The following PHKA2 variants were observed in gnomAD, a reference collection of about 807,000 sequenced individuals.
PHKA2 encodes the protein phosphorylase b kinase regulatory subunit alpha, liver isoform.
PHKA2 carries 31 observed loss-of-function variants against 102.0 expected under a neutral mutation model. That is an observed-to-expected ratio of 0.30 (90% CI 0.23 to 0.41). The LOEUF (loss-of-function observed/expected upper bound fraction) is 0.41. PHKA2 is among the 10% of genes least tolerant of loss of function. The pLI is 1.00. For synonymous variants in PHKA2, 455 were observed against 416.2 expected (o/e 1.09, Z -1.13); for missense variants, 858 against 1,023.1 (o/e 0.84, Z 2.20).
intron 1 of PHKA2, among the ~76,000 whole-genome samples, chrX:18,973,995 C>T (rs1434685004): frequency 1.8e-5 from 2 of 111,392 alleles, no homozygotes; most frequent in Non-Finnish European, 3.8e-5. Context: ...CTTCATATTT[C>T]GCTGAGAAGG....
Position 18,954,494 on chromosome X carries a change from G to A in PHKA2, c.79-82C>T. 6 of 983,317 alleles carry A rather than the reference G, an allele frequency of 6.1e-6. 1 individual carries two copies. The South Asian group carries it at 1.2e-4, about 19-fold the overall frequency. 81.0% of individuals were successfully genotyped at this position (983,317 alleles called of 1,213,427 possible). On this transcript the variant is annotated intron_variant, in intron 1 of 32. Transcript: ENST00000379942. ...AACAGATGCTTGTCCTAACAGGGTA[G>A]ATGAGGACCGGGACCTGGAGCAGGG...
intron 13 of PHKA2, among the ~76,000 whole-genome samples, chrX:18,927,275 G>A (rs2048226591): frequency 8.9e-6 from 1 of 112,356 alleles, no homozygotes; most frequent in South Asian, 3.7e-4. Context: ...TGGGACCTGG[G>A]GGCCCATGGA....
At chrX:18,901,979 A>G (rs2047691180) in intron 26 of PHKA2, among the ~76,000 whole-genome samples, 1 of 109,329 alleles carries the variant, frequency 9.1e-6, no homozygotes, top group Non-Finnish European at 1.9e-5. Context: ...AGTAACTGGG[A>G]TTACATGCGC....
chrX:18,901,056 G>C (rs1399171744), intron 27 of PHKA2, among the ~76,000 whole-genome samples: 4 of 103,126 alleles, frequency 3.9e-5, no homozygotes, highest in African/African-American at 1.5e-4. Context: ...ACTAAGAAAA[G>C]AGACCCCTGT....
chrX:18,907,956 C>G lies in PHKA2; in HGVS notation c.2461G>C (p.Gly821Arg). The G allele has an allele frequency of 8.3e-7, 1 of 1,211,170 alleles. No individual in the cohort carries two copies. Reference sequence around the variant, plus strand: ...AGGCCTGAGATGTAGCGAATCAGACCCCACTCCTGGTTCAAGCCGGCTTTC... The same window carrying G: ...AGGCCTGAGATGTAGCGAATCAGACGCCACTCCTGGTTCAAGCCGGCTTTC... ...YGKAGLNQEW[G>R]LIRYISGLLR... The change falls in exon 22 of 33, where the codon GGT becomes CGT. Residue 821 changes from glycine (G) to arginine (R), a missense_variant. By Grantham distance (125) the Gly-to-Arg change is moderately radical. Around this residue, in one of 2 missense-constraint regions of PHKA2, gnomAD observed 671 missense variants for 745.2 expected, o/e 0.90. Coordinates refer to ENST00000379942, the MANE Select transcript of PHKA2 (RefSeq NM_000292.3).
At chrX:18,898,179 A>C (rs1194148906) in intron 29 of PHKA2, 1 of 112,777 alleles carries the variant, frequency 8.9e-6, no homozygotes, top group Non-Finnish European at 1.9e-5. Flanking sequence ...ATTTGGGGCA[A>C]TGGCTGCCTC....
At chrX:18,928,008 T>C (rs180832797) in intron 13 of PHKA2, among the ~76,000 whole-genome samples, 1 of 112,268 alleles carries the variant, frequency 8.9e-6, no homozygotes, top group East Asian at 2.8e-4. Flanking sequence ...TCTACACTGT[T>C]CTATTAAACA....
At chrX:18,901,260 T>A (rs770721581) in intron 27 of PHKA2, among the ~76,000 whole-genome samples, 81 of 111,129 alleles carry the variant, frequency 7.3e-4, no homozygotes, top group Non-Finnish European at 1.3e-3. Flanking sequence ...GGAACGTTCA[T>A]GAGAACATCA....
In PHKA2 at chrX:18,926,592, G is replaced by T; in HGVS notation, c.1325-5C>A. On this transcript the variant is annotated splice_polypyrimidine_tract_variant and splice_region_variant and intron_variant, in intron 13 of 32. Coordinates refer to ENST00000379942, the MANE Select transcript of PHKA2 (RefSeq NM_000292.3). ...TGTTTTCTGCCAAAACAGTAACTGT[G>T]AACAAGAACACAGAATGAGCGTTAG... The T allele has an allele frequency of 8.3e-7, 1 of 1,208,037 alleles. No individual in the cohort carries two copies. Among genetic ancestry groups the T allele is most frequent in the Admixed American group, 2.2e-5 (1 of 46,097 alleles).
Position 18,984,007 on chromosome X carries a change from G to A in PHKA2, c.-75C>T. ...GACGTCGGGGCTGTGGCCTCCAAGCGGGTCTGGTTCCCGGACACTCACAGC... is the reference window on the plus strand; with the variant it reads ...GACGTCGGGGCTGTGGCCTCCAAGCAGGTCTGGTTCCCGGACACTCACAGC... On this transcript the variant is annotated 5_prime_UTR_variant, in exon 1 of 33. Coordinates refer to ENST00000379942, the MANE Select transcript of PHKA2 (RefSeq NM_000292.3). The A allele has an allele frequency of 1.1e-6, 1 of 891,084 alleles. No homozygotes were observed. The highest frequency in any genetic ancestry group is 2.2e-5 in the Admixed American group (1 of 44,742). The allele number at this position is 891,084 out of a possible 1,213,427, so 73.4% of individuals were successfully genotyped here.
chrX:18,936,404 G>A (rs1427569898), intron 10 of PHKA2, among the ~76,000 whole-genome samples: 1 of 111,984 alleles, frequency 8.9e-6, no homozygotes, highest in Non-Finnish European at 1.9e-5. Context: ...TCCAGAAAGA[G>A]AGACAGAGCA....
intron 18 of PHKA2, 120 bp from the exon 19 acceptor site, chrX:18,918,974 A>G: frequency 1.7e-6 from 1 of 594,003 alleles, no homozygotes. Flanking sequence ...CAACACTGAG[A>G]TATCGATATT....
chrX:18,921,147 A>G (rs2048112655), intron 17 of PHKA2, among the ~76,000 whole-genome samples: 1 of 111,449 alleles, frequency 9.0e-6, no homozygotes, highest in Non-Finnish European at 1.9e-5. Context: ...CCTCAGAAAT[A>G]GGCTGGGCAC....
chrX:18,927,464 C>T (rs1014169663), intron 13 of PHKA2, among the ~76,000 whole-genome samples: 6 of 112,058 alleles, frequency 5.4e-5, no homozygotes, highest in Admixed American at 1.9e-4. Context: ...CAGCTGCGGC[C>T]GAGCCCCCTG....
At chrX:18,961,697 T>C (rs1396153547) in intron 1 of PHKA2, among the ~76,000 whole-genome samples, 1 of 107,339 alleles carries the variant, frequency 9.3e-6, no homozygotes, top group Non-Finnish European at 1.9e-5. Context: ...TTTATTATTA[T>C]GCATGTCCTT....
intron 2 of PHKA2, among the ~76,000 whole-genome samples, chrX:18,953,698 T>A (rs2048731972): frequency 8.9e-6 from 1 of 112,144 alleles, no homozygotes; most frequent in African/African-American, 3.2e-5. Flanking sequence ...GTTAGAAATG[T>A]GGATGCAGCC....
chrX:18,897,811 C>T (rs1381668317), intron 29 of PHKA2: 1 of 129,888 alleles, frequency 7.7e-6, no homozygotes, highest in East Asian at 2.2e-4. Context: ...ACACAGAAGC[C>T]CCTGAGGCAT....
intron 8 of PHKA2, among the ~76,000 whole-genome samples, chrX:18,940,975 T>C (rs954886852): frequency 1.8e-5 from 2 of 112,286 alleles, no homozygotes; most frequent in African/African-American, 6.5e-5. Context: ...CAAAAGCATT[T>C]TTCATGGAAC....
At chrX:18,982,950 T>G (rs988165787) in intron 1 of PHKA2, among the ~76,000 whole-genome samples, 3 of 112,231 alleles carry the variant, frequency 2.7e-5, no homozygotes, top group Non-Finnish European at 5.6e-5. Context: ...CTTTGTAGAG[T>G]GCTTTGCATA....
Sources: allele counts gnomAD v4.1 joint callset (sites outside exome capture counted in the v4.1 genomes callset), GRCh38; gene constraint gnomAD v4.1.1; regional missense constraint gnomAD v4.1.1; transcripts MANE v1.5; gene names NCBI Gene and HGNC (gene_info 2026-07-23, HGNC 2026-07-21).